The following TBX5 variants were observed in gnomAD, a reference collection of about 807,000 sequenced individuals.
TBX5 encodes the protein T-box transcription factor TBX5.
TBX5 carries 8 observed loss-of-function variants against 51.1 expected under a neutral mutation model. The observed-to-expected ratio is 0.16, with a 90% CI of 0.09 to 0.28. The LOEUF (loss-of-function observed/expected upper bound fraction) is 0.28. Among genes scored for constraint, TBX5 ranks in the 10% least tolerant of loss-of-function variants. The probability of loss-of-function intolerance (pLI) is 1.00; values close to 1 mark genes in which losing one functional copy is unlikely to be tolerated. For missense variants in TBX5, 589 were observed against 671.7 expected, an observed-to-expected ratio of 0.88 and a Z score of 1.36; for synonymous variants, 302 against 266.4, an observed-to-expected ratio of 1.13 and a Z score of -1.30.
intron 8 of TBX5, among the ~76,000 whole-genome samples, chr12:114,361,713 A>T (rs1407342026): frequency 6.6e-6 from 1 of 152,122 alleles, no homozygotes; most frequent in Non-Finnish European, 1.5e-5. Context: ...CCAGGGGGAA[A>T]ACCACCCATG....
At chr12:114,400,699 G>C (rs1871754515) in intron 3 of TBX5, among the ~76,000 whole-genome samples, 1 of 152,202 alleles carries the variant, frequency 6.6e-6, no homozygotes, top group South Asian at 2.1e-4. Context: ...GCTCAGGCTC[G>C]GGGGGAAAGA....
chr12:114,390,548 A>C (rs1221388913), intron 6 of TBX5, among the ~76,000 whole-genome samples: 1 of 152,238 alleles, frequency 6.6e-6, no homozygotes, highest in Non-Finnish European at 1.5e-5. Flanking sequence ...TTTTGAAAAA[A>C]ATTTTTTAAA....
chr12:114,380,761 C>T (rs1015343765), intron 7 of TBX5, among the ~76,000 whole-genome samples: 7 of 151,944 alleles, frequency 4.6e-5, no homozygotes, highest in Admixed American at 3.3e-4. Flanking sequence ...CTCAGGAGTT[C>T]GAGGCTGCAG....
At chr12:114,377,643 T>C (rs1870269346) in intron 7 of TBX5, among the ~76,000 whole-genome samples, 1 of 150,918 alleles carries the variant, frequency 6.6e-6, no homozygotes, top group South Asian at 2.1e-4. Context: ...CTCAAACTCC[T>C]GATCTCAAGC....
At position 114,403,639 on chromosome 12, in the gene TBX5, T is replaced by G; in HGVS notation, c.147+113A>C. 10 of 1,461,648 alleles carry G rather than the reference T, an allele frequency of 6.8e-6. No homozygotes were observed. The South Asian group carries it at 9.3e-5, about 14-fold the overall frequency. 90.5% of individuals were successfully genotyped at this position (1,461,648 alleles called of 1,614,324 possible). The stretch of plus-strand genomic sequence containing the variant: ...GGATGATTATAGTCGTTGGGTTCGT[T>G]TTGGGGTTTTTTTATTTTGTTTTTG... On this transcript the variant is annotated intron_variant, in intron 2 of 8. Transcript: ENST00000405440.
chr12:114,394,957 C>A (rs906078500), intron 5 of TBX5, 64 bp from the exon 6 acceptor site: 1 of 1,541,576 alleles, frequency 6.5e-7, no homozygotes, highest in Non-Finnish European at 8.9e-7. Context: ...CCAGATAAAA[C>A]CCTGCTCCCC....
Position 114,376,344 on chromosome 12 carries a change from C to G in TBX5, c.755+9132G>C, listed in dbSNP as rs12305004. Among the ~76,000 whole-genome samples the G allele has an allele frequency of 7.1e-3, 1,082 of 152,226 alleles. 9 individuals are homozygous for G. The highest frequency in any genetic ancestry group is 0.024 in the African/African-American group (980 of 41,544). On this transcript the variant is annotated intron_variant, in intron 7 of 8. Transcript: ENST00000405440. ...AAGAAGGAAATCCTCTCGTTTGAGA[C>G]AACATGAATGAACCTGGAGGACATT...
Position 114,405,985 on chromosome 12 carries a change from T to C in TBX5, c.-396A>G. Reference sequence around the variant, plus strand: ...GGAAAGTTGGAAGCCCAGTGAATGGTCGAAGTCCTTTCTGAGCGCAGCTTT... The same window carrying C: ...GGAAAGTTGGAAGCCCAGTGAATGGCCGAAGTCCTTTCTGAGCGCAGCTTT... On this transcript the variant is annotated 5_prime_UTR_variant, in exon 1 of 9. Coordinates refer to ENST00000405440, the MANE Select transcript of TBX5 (RefSeq NM_181486.4). 1 of 985,306 alleles carries C rather than the reference T, an allele frequency of 1.0e-6. No homozygotes were observed. Among genetic ancestry groups the C allele is most frequent in the South Asian group, 4.7e-5 (1 of 21,282 alleles). The allele number at this position is 985,306 out of a possible 1,614,324, so 61.0% of individuals were successfully genotyped here.
chr12:114,370,238 G>T (rs570668578), intron 7 of TBX5, among the ~76,000 whole-genome samples: 104 of 39,832 alleles, frequency 2.6e-3, no homozygotes, highest in Non-Finnish European at 4.8e-3. Flanking sequence ...TCTCAGAAAA[G>T]AAAAGAAAAG....
At chr12:114,361,017 C>T (rs1266449511) in intron 8 of TBX5, among the ~76,000 whole-genome samples, 2 of 152,150 alleles carry the variant, frequency 1.3e-5, no homozygotes, top group Non-Finnish European at 2.9e-5. Flanking sequence ...AGAGCGGGAG[C>T]CTTTTCCACC....
intron 6 of TBX5, among the ~76,000 whole-genome samples, chr12:114,386,514 T>C (rs554339732): frequency 2.0e-5 from 3 of 152,370 alleles, no homozygotes; most frequent in South Asian, 4.1e-4. Flanking sequence ...TTGCCATATC[T>C]ATACAGCACC....
intron 4 of TBX5, 102 bp downstream of exon 4, chr12:114,399,411 A>G: frequency 2.0e-6 from 3 of 1,475,570 alleles, no homozygotes; most frequent in Middle Eastern, 1.8e-4. Flanking sequence ...ACACAGTAGG[A>G]ACTAAAAAAA....
At chr12:114,400,749 G>A (rs930722481) in intron 3 of TBX5, among the ~76,000 whole-genome samples, 1 of 152,276 alleles carries the variant, frequency 6.6e-6, no homozygotes, top group Non-Finnish European at 1.5e-5. Flanking sequence ...GGAATAGGAA[G>A]AGGACTGCAG....
chr12:114,407,617 C>A (rs1872307984), upstream of TBX5, among the ~76,000 whole-genome samples: 1 of 152,174 alleles, frequency 6.6e-6, no homozygotes, highest in Non-Finnish European at 1.5e-5. Flanking sequence ...GGCCACCAAG[C>A]AAAATAGGGA....
upstream of TBX5, chr12:114,407,205 A>T (rs183360794): frequency 1.1e-5 from 8 of 704,394 alleles, no homozygotes; most frequent in Admixed American, 4.4e-4. Context: ...ATGTGGGGCA[A>T]CCGGGGAGAA....
chr12:114,381,273 A>G (rs1265868783), intron 7 of TBX5, among the ~76,000 whole-genome samples: 1 of 152,194 alleles, frequency 6.6e-6, no homozygotes, highest in Non-Finnish European at 1.5e-5. Context: ...AATTGTTGGA[A>G]TTAGAGGATA....
At chr12:114,362,218 T>C (rs745592794) in intron 8 of TBX5, among the ~76,000 whole-genome samples, 4 of 152,208 alleles carry the variant, frequency 2.6e-5, no homozygotes, top group African/African-American at 7.2e-5. Context: ...TAAATAGTCC[T>C]GTGCTATCAT....
intron 6 of TBX5, among the ~76,000 whole-genome samples, chr12:114,391,005 T>C (rs1004425873): frequency 7.9e-5 from 12 of 152,084 alleles, no homozygotes; most frequent in Non-Finnish European, 1.3e-4. Context: ...AGGGGCCCAG[T>C]GGTATATGGG....
rs538419775 is a variant in TBX5 at position 114,371,322 on chromosome 12, A to G, written c.756-4931T>C. ...CTGAGTACCTCAGCTGGCCTTGGGTATCAGCGCCCACAGACCAGCTTCTCC... is the reference window on the plus strand; with the variant it reads ...CTGAGTACCTCAGCTGGCCTTGGGTGTCAGCGCCCACAGACCAGCTTCTCC... On this transcript the variant is annotated intron_variant, in intron 7 of 8. Coordinates refer to ENST00000405440, the MANE Select transcript of TBX5 (RefSeq NM_181486.4). 1.4e-4 allele frequency among the ~76,000 whole-genome samples: 22 copies of G among 152,266 alleles called. 1 individual carries two copies. Among genetic ancestry groups the G allele is most frequent in the African/African-American group, 3.4e-4 (14 of 41,564 alleles).
Sources: allele counts gnomAD v4.1 joint callset (sites outside exome capture counted in the v4.1 genomes callset), GRCh38; gene constraint gnomAD v4.1.1; transcripts MANE v1.5; gene names NCBI Gene and HGNC (gene_info 2026-07-23, HGNC 2026-07-21).